CNTNAP2: variants seen among roughly 807,000 people sequenced by gnomAD.
CNTNAP2 encodes contactin-associated protein-like 2.
Under a neutral mutation model 155.2 loss-of-function variants are expected in CNTNAP2, and 98 were observed. The observed-to-expected ratio is 0.63, with a 90% CI of 0.54 to 0.75. The LOEUF (loss-of-function observed/expected upper bound fraction) is 0.75, where lower values mean the gene tolerates loss of function less well. Among genes scored for constraint, CNTNAP2 ranks in the 30% least tolerant of loss-of-function variants. CNTNAP2 has a pLI of 0.00. For synonymous variants in CNTNAP2, 651 were observed against 631.2 expected (o/e 1.03, Z -0.47); for missense variants, 1,727 against 1,688.1 (o/e 1.02, Z -0.40).
At chr7:148,390,862 A>G (rs1799330711) in intron 22 of CNTNAP2, among the ~76,000 whole-genome samples, 1 of 152,198 alleles carries the variant, frequency 6.6e-6, no homozygotes, top group Admixed American at 6.5e-5. Flanking sequence ...AAAATGAGGG[A>G]CATTTATGTT....
chr7:147,239,180 A>C (rs1348378907), intron 8 of CNTNAP2, among the ~76,000 whole-genome samples: 1 of 152,022 alleles, frequency 6.6e-6, no homozygotes, highest in East Asian at 1.9e-4. Flanking sequence ...ACATTGCAAA[A>C]GTGTTTTTGT....
intron 1 of CNTNAP2, among the ~76,000 whole-genome samples, chr7:146,141,505 T>G (rs1441409281): frequency 6.6e-6 from 1 of 152,140 alleles, no homozygotes; most frequent in African/African-American, 2.4e-5. Context: ...GAAATATAGT[T>G]TTCATTTTCT....
chr7:147,904,304 T>C (rs1389657550), intron 14 of CNTNAP2, among the ~76,000 whole-genome samples: 1 of 152,232 alleles, frequency 6.6e-6, no homozygotes. Context: ...ATTTTGGGTT[T>C]CTTCGATCCC....
chr7:146,795,665 C>T (rs1463187902), intron 2 of CNTNAP2, among the ~76,000 whole-genome samples: 1 of 152,150 alleles, frequency 6.6e-6, no homozygotes, highest in Non-Finnish European at 1.5e-5. Context: ...CCCAACTACC[C>T]TTATGTTCAG....
At chr7:146,453,653 C>A (rs1477003644) in intron 1 of CNTNAP2, among the ~76,000 whole-genome samples, 3 of 152,206 alleles carry the variant, frequency 2.0e-5, no homozygotes, top group African/African-American at 4.8e-5. Context: ...TAAACAAGAA[C>A]ATTTTTGTTT....
At chr7:147,262,762 C>T (rs1471324344) in intron 8 of CNTNAP2, among the ~76,000 whole-genome samples, 4 of 152,076 alleles carry the variant, frequency 2.6e-5, no homozygotes, top group South Asian at 4.1e-4. Context: ...GCCGAGATCG[C>T]GCCACTGCAC....
chr7:147,806,504 T>TA (rs2116599813), intron 13 of CNTNAP2, among the ~76,000 whole-genome samples: 1 of 152,154 alleles, frequency 6.6e-6, no homozygotes, highest in Non-Finnish European at 1.5e-5. Context: ...TGAATATATA[T>TA]AAAAAAGAAT....
chr7:146,198,285 T>C (rs1798806169), intron 1 of CNTNAP2, among the ~76,000 whole-genome samples: 1 of 152,198 alleles, frequency 6.6e-6, no homozygotes, highest in Non-Finnish European at 1.5e-5. Context: ...CTGAGCACTT[T>C]TCCCTAAAAT....
At position 148,417,231 on chromosome 7, in the gene CNTNAP2, C is replaced by CTAGTT. The variant is rs1047560972; in HGVS notation, c.*1617_*1621dup. The stretch of plus-strand genomic sequence containing the variant: ...GGCCCGGCTGAATAAAATGGAAATT[C>CTAGTT]TAGTTTGTTAGAATTATGCATTCTT... On this transcript the variant is annotated 3_prime_UTR_variant, in exon 24 of 24. Transcript: ENST00000361727. 1.3e-5 allele frequency: 2 copies of CTAGTT among 152,164 alleles called. No individual in the cohort carries two copies. The highest frequency in any genetic ancestry group is 4.8e-5 in the African/African-American group (2 of 41,330). 9.4% of individuals were successfully genotyped at this position (152,164 alleles called of 1,614,324 possible).
intron 11 of CNTNAP2, among the ~76,000 whole-genome samples, chr7:147,522,724 C>T (rs1324521649): frequency 2.0e-5 from 3 of 146,842 alleles, no homozygotes; most frequent in Non-Finnish European, 4.5e-5. Context: ...ACATGGATAG[C>T]TGATGCTGTG....
intron 1 of CNTNAP2, among the ~76,000 whole-genome samples, chr7:146,333,788 T>A (rs1207798518): frequency 6.6e-6 from 1 of 152,208 alleles, no homozygotes; most frequent in Non-Finnish European, 1.5e-5. Flanking sequence ...AGACTCTAGC[T>A]CATTTCCCCA....
At chr7:147,538,721 CA>C (rs2116739359) in intron 11 of CNTNAP2, among the ~76,000 whole-genome samples, 2 of 152,130 alleles carry the variant, frequency 1.3e-5, no homozygotes, top group East Asian at 3.9e-4. Context: ...CCAGGGAACA[CA>C]ATAAAAACAA....
chr7:147,552,418 T>C (rs967946622), intron 11 of CNTNAP2, among the ~76,000 whole-genome samples: 7 of 152,150 alleles, frequency 4.6e-5, no homozygotes, highest in African/African-American at 1.4e-4. Context: ...TATCTTTTTA[T>C]TATTTGAATC....
At chr7:147,297,556 A>G (rs1218519477) in intron 8 of CNTNAP2, among the ~76,000 whole-genome samples, 1 of 152,206 alleles carries the variant, frequency 6.6e-6, no homozygotes, top group Non-Finnish European at 1.5e-5. Context: ...TTGCACAGAG[A>G]TCTGATGTGA....
intron 1 of CNTNAP2, among the ~76,000 whole-genome samples, chr7:146,433,640 G>A (rs1796202365): frequency 6.6e-6 from 1 of 152,130 alleles, no homozygotes; most frequent in African/African-American, 2.4e-5. Context: ...GAGAAAGCAA[G>A]CATGAAGTCA....
At chr7:146,474,307 T>G (rs1045537493) in intron 1 of CNTNAP2, among the ~76,000 whole-genome samples, 1 of 149,298 alleles carries the variant, frequency 6.7e-6, no homozygotes, top group Non-Finnish European at 1.5e-5. Context: ...TATAAATATA[T>G]ATTTCATTTT....
At chr7:147,299,276 T>C (rs1384575934) in intron 8 of CNTNAP2, among the ~76,000 whole-genome samples, 2 of 152,210 alleles carry the variant, frequency 1.3e-5, no homozygotes, top group Non-Finnish European at 2.9e-5. Flanking sequence ...TTTAATTTTC[T>C]GACTATTCTT....
At chr7:147,324,771 TG>T (rs57740445) in intron 9 of CNTNAP2, among the ~76,000 whole-genome samples, 74,561 of 151,722 alleles carry the variant, frequency 0.49, 19,501 homozygotes, top group East Asian at 0.73. Context: ...AACAATGAGC[TG>T]GGGGGGCATT....
chr7:147,302,598 C>CA (rs1334670867), intron 9 of CNTNAP2, among the ~76,000 whole-genome samples: 1 of 152,200 alleles, frequency 6.6e-6, no homozygotes, highest in East Asian at 1.9e-4. Context: ...TCTCAGGCCC[C>CA]ACCTCTGGAA....
Sources: allele counts gnomAD v4.1 joint callset (sites outside exome capture counted in the v4.1 genomes callset), GRCh38; gene constraint gnomAD v4.1.1; transcripts MANE v1.5; gene names NCBI Gene and HGNC (gene_info 2026-07-23, HGNC 2026-07-21).